The following PDE3A variants were observed in gnomAD, a reference collection of about 807,000 sequenced individuals.
The protein encoded by PDE3A is cGMP-inhibited 3',5'-cyclic phosphodiesterase 3A.
PDE3A carries 43 observed loss-of-function variants against 98.3 expected under a neutral mutation model. That is an observed-to-expected ratio of 0.44 (90% CI 0.34 to 0.56). The LOEUF (loss-of-function observed/expected upper bound fraction) is 0.56. Among genes scored for constraint, PDE3A ranks in the 20% least tolerant of loss-of-function variants. The pLI, the probability that PDE3A is intolerant of heterozygous loss-of-function variation, is 0.01. For missense variants in PDE3A, 1,427 were observed against 1,440.7 expected (o/e 0.99, Z 0.15); for synonymous variants, 663 against 567.9 (o/e 1.17, Z -2.38).
At chr12:20,432,683 C>A (rs1944718264) in intron 1 of PDE3A, among the ~76,000 whole-genome samples, 1 of 152,146 alleles carries the variant, frequency 6.6e-6, no homozygotes, top group African/African-American at 2.4e-5. Context: ...TCCATACCTT[C>A]ATAAAAATTC....
At chr12:20,555,372 T>C (rs10841562) in intron 1 of PDE3A, among the ~76,000 whole-genome samples, 62,737 of 152,056 alleles carry the variant, frequency 0.41, 14,878 homozygotes, top group East Asian at 0.61. Flanking sequence ...TATTTTGATG[T>C]ATATTTACAA....
chr12:20,581,837 C>T (rs971771144), intron 2 of PDE3A, among the ~76,000 whole-genome samples: 2 of 151,942 alleles, frequency 1.3e-5, no homozygotes, highest in Admixed American at 6.6e-5. Context: ...TGGTCTCGAT[C>T]TCCTGACCTC....
intron 1 of PDE3A, among the ~76,000 whole-genome samples, chr12:20,554,121 G>C (rs1942298054): frequency 6.7e-6 from 1 of 150,088 alleles, no homozygotes. Context: ...GAAAGGGTTT[G>C]TTAATTTTTC....
Position 20,514,634 on chromosome 12 carries a change from T to C in PDE3A, c.961-42026T>C, listed in dbSNP as rs192660867. Among the ~76,000 whole-genome samples the C allele has an allele frequency of 8.5e-5, 13 of 152,364 alleles. No individual in the cohort carries two copies. In the East Asian group the frequency reaches 2.3e-3, roughly 27 times the overall value. ...ATTCCCAGGTCTATAATTGTTATAC[T>C]TTAGCTTTGCAGTTATAGATTTGTT... On this transcript the variant is annotated intron_variant, in intron 1 of 15. Coordinates refer to ENST00000359062, the MANE Select transcript of PDE3A (RefSeq NM_000921.5).
At chr12:20,673,754 C>T (rs1027868116) in intron 15 of PDE3A, among the ~76,000 whole-genome samples, 13 of 145,752 alleles carry the variant, frequency 8.9e-5, no homozygotes, top group African/African-American at 1.8e-4. Context: ...TGCTAGATGA[C>T]GAGTTAGTGG....
chr12:20,679,709 TAATGAG>T (rs1945721771), intron 15 of PDE3A, among the ~76,000 whole-genome samples: 1 of 151,996 alleles, frequency 6.6e-6, no homozygotes, highest in South Asian at 2.1e-4. Flanking sequence ...AGCCTGAATG[TAATGAG>T]AATAATACCA....
intron 1 of PDE3A, among the ~76,000 whole-genome samples, chr12:20,473,241 A>G (rs1404873341): frequency 1.3e-5 from 2 of 152,186 alleles, no homozygotes; most frequent in Non-Finnish European, 2.9e-5. Flanking sequence ...TTTAACACTG[A>G]AAGAGACATG....
intron 2 of PDE3A, among the ~76,000 whole-genome samples, chr12:20,570,956 T>A (rs1565592446): frequency 6.6e-6 from 1 of 152,310 alleles, no homozygotes; most frequent in African/African-American, 2.4e-5. Context: ...TTAGACGTTC[T>A]GATGGACAGT....
rs886256870 is a variant in PDE3A, at chr12:20,552,023, G to A, written c.961-4637G>A. ...GCGTACTCCCTAGTCCTGGCGGGGG[G>A]CTACGAGGATGACGTGGACCATGGG... On this transcript the variant is annotated intron_variant, in intron 1 of 15. Coordinates refer to ENST00000359062, the MANE Select transcript of PDE3A (RefSeq NM_000921.5). This position sits in a 1 kb window ranked among gnomAD's most constrained non-coding sequence, Gnocchi z 5.1. 6 of 1,612,470 alleles carry A rather than the reference G, an allele frequency of 3.7e-6. No individual in the cohort carries two copies. The highest frequency in any genetic ancestry group is 2.2e-5 in the East Asian group (1 of 44,872).
chr12:20,390,330 C>G (rs1052245856), intron 1 of PDE3A, among the ~76,000 whole-genome samples: 2 of 151,586 alleles, frequency 1.3e-5, no homozygotes, highest in Non-Finnish European at 2.9e-5. Context: ...CATAATTATT[C>G]TAGCAGTGGA....
chr12:20,423,058 A>G (rs964550983), intron 1 of PDE3A, among the ~76,000 whole-genome samples: 1 of 152,216 alleles, frequency 6.6e-6, no homozygotes. Context: ...TTTTTGGATT[A>G]TATAGTACCA....
chr12:20,559,280 G>A (rs1263770342), intron 2 of PDE3A, among the ~76,000 whole-genome samples: 2 of 151,988 alleles, frequency 1.3e-5, no homozygotes, highest in African/African-American at 4.8e-5. Context: ...TAGCCTAGGT[G>A]TATAATAGGC....
At chr12:20,486,836 G>A (rs921578652) in intron 1 of PDE3A, among the ~76,000 whole-genome samples, 31 of 152,174 alleles carry the variant, frequency 2.0e-4, no homozygotes, top group African/African-American at 7.5e-4. Context: ...GTTTCACCCT[G>A]TTGGCCAGGC....
chr12:20,617,971 A>G (rs1944045276), intron 4 of PDE3A, among the ~76,000 whole-genome samples: 1 of 152,194 alleles, frequency 6.6e-6, no homozygotes, highest in South Asian at 2.1e-4. Context: ...AATATTTACA[A>G]TAGAAATAAG....
At chr12:20,674,479 T>C (rs1161677468) in intron 15 of PDE3A, among the ~76,000 whole-genome samples, 2 of 152,154 alleles carry the variant, frequency 1.3e-5, no homozygotes, top group Non-Finnish European at 2.9e-5. Context: ...TCCTAGTATT[T>C]TTAGTTTTTA....
chr12:20,671,828 T>C (rs1347441329), intron 15 of PDE3A, among the ~76,000 whole-genome samples: 1 of 146,654 alleles, frequency 6.8e-6, no homozygotes, highest in Admixed American at 6.9e-5. Context: ...CTATTCAACA[T>C]AGTGTTGGAA....
intron 2 of PDE3A, among the ~76,000 whole-genome samples, chr12:20,595,598 T>C (rs192550504): frequency 6.6e-6 from 1 of 152,322 alleles, no homozygotes; most frequent in East Asian, 1.9e-4. Context: ...TCTTATAATC[T>C]TTTGAGCCAG....
intron 2 of PDE3A, among the ~76,000 whole-genome samples, chr12:20,588,523 G>T (rs1354633680): frequency 2.6e-5 from 4 of 152,166 alleles, no homozygotes; most frequent in African/African-American, 9.7e-5. Context: ...CATTCAGGGG[G>T]ACCTGAAGGG....
rs192354203 is a variant in PDE3A, at chr12:20,378,840, T to C, written c.960+8596T>C. Reference sequence around the variant, plus strand: ...TACTTTTTTTTTTGGTCAGTCTTTTTCTGTTCTCCATCTCTATCTACATGC... The same window carrying C: ...TACTTTTTTTTTTGGTCAGTCTTTTCCTGTTCTCCATCTCTATCTACATGC... On this transcript the variant is annotated intron_variant, in intron 1 of 15. Coordinates refer to ENST00000359062, the MANE Select transcript of PDE3A (RefSeq NM_000921.5). Among the ~76,000 whole-genome samples the C allele has an allele frequency of 2.9e-3, 447 of 151,888 alleles. 2 individuals are homozygous for C. Among genetic ancestry groups the C allele is most frequent in the Admixed American group, 5.3e-3 (80 of 15,222 alleles).
Sources: gnomAD v4.1 joint callset for allele counts (sites outside exome capture counted in the v4.1 genomes callset) on GRCh38, gnomAD v4.1.1 for gene constraint, Gnocchi (gnomAD v3.1) non-coding constraint, MANE v1.5 for transcripts, NCBI Gene and HGNC (gene_info 2026-07-23, HGNC 2026-07-21) for gene names.